MAG: variants seen among roughly 807,000 people sequenced by gnomAD.
MAG encodes the protein myelin associated glycoprotein, also known as myelin-associated glycoprotein.
Under a neutral mutation model 60.7 loss-of-function variants are expected in MAG, and 30 were observed. The ratio of observed to expected loss-of-function variants is 0.49; its 90% CI spans 0.37 to 0.67. The LOEUF (loss-of-function observed/expected upper bound fraction) is 0.67. MAG is among the 30% of genes least tolerant of loss of function. The probability of loss-of-function intolerance (pLI) is 0.00; values close to 1 mark genes in which losing one functional copy is unlikely to be tolerated. For synonymous variants in MAG, 384 were observed against 376.8 expected, an observed-to-expected ratio of 1.02 and a Z score of -0.22; for missense variants, 795 against 851.7, an observed-to-expected ratio of 0.93 and a Z score of 0.83.
intron 7 of MAG, among the ~76,000 whole-genome samples, chr19:35,306,734 G>A (rs755265261): frequency 1.1e-4 from 16 of 152,134 alleles, no homozygotes; most frequent in African/African-American, 2.7e-4. Context: ...CACTGCACCC[G>A]GCTGGGATGT....
In MAG at chr19:35,313,547, G is replaced by A. The variant is rs199743835; in HGVS notation, c.*93G>A. The stretch of plus-strand genomic sequence containing the variant: ...CTCCCTTCCTCCCAAAAGTATCGGG[G>A]GCTGGGGCAGGAGGGGAGTGAGGCA... On this transcript the variant is annotated 3_prime_UTR_variant, in exon 11 of 11. Coordinates refer to ENST00000392213, the MANE Select transcript of MAG (RefSeq NM_002361.4). 6 of 1,334,818 alleles carry A rather than the reference G, an allele frequency of 4.5e-6. No homozygotes were observed. In the Admixed American group the frequency reaches 1.0e-4, roughly 23 times the overall value. 82.7% of individuals were successfully genotyped at this position (1,334,818 alleles called of 1,614,324 possible).
intron 6 of MAG, among the ~76,000 whole-genome samples, chr19:35,301,149 C>T (rs1480371678): frequency 6.6e-6 from 1 of 152,078 alleles, no homozygotes; most frequent in African/African-American, 2.4e-5. Flanking sequence ...GGATTAGAGG[C>T]ATGAGCCACC....
Position 35,312,197 on chromosome 19 carries a change from T to TG in MAG, c.1716+181dup, listed in dbSNP as rs907734558. The TG allele has an allele frequency of 2.0e-5, 28 of 1,379,020 alleles. No homozygotes were observed. The African/African-American group carries it at 3.7e-4, about 18-fold the overall frequency. The allele number at this position is 1,379,020 out of a possible 1,614,324, so 85.4% of individuals were successfully genotyped here. On this transcript the variant is annotated intron_variant, in intron 10 of 10. Transcript: ENST00000392213. Reference sequence around the variant, plus strand: ...GGGGAGGAGGTGCCCAGGCCGAAGCTGTGTAGGGGGCGATGGGACGTGGGG... The same window carrying TG: ...GGGGAGGAGGTGCCCAGGCCGAAGCTGGTGTAGGGGGCGATGGGACGTGGGG...
intron 7 of MAG, among the ~76,000 whole-genome samples, chr19:35,303,287 G>A (rs985678424): frequency 2.0e-5 from 3 of 152,118 alleles, no homozygotes; most frequent in East Asian, 1.9e-4. Context: ...TGCACTAACC[G>A]AAACAATGAC....
At chr19:35,299,398 G>C (rs1369810680) in intron 4 of MAG, among the ~76,000 whole-genome samples, 156 bp from the exon 5 acceptor site, 1 of 149,106 alleles carries the variant, frequency 6.7e-6, no homozygotes, top group African/African-American at 2.4e-5. Flanking sequence ...GAAGGGTAAA[G>C]GGAATTCTGA....
At chr19:35,313,144 TG>T in intron 10 of MAG, 145 bp from the exon 11 acceptor site, 2 of 750,138 alleles carry the variant, frequency 2.7e-6, no homozygotes, top group Non-Finnish European at 4.0e-6. Context: ...CAGGGCTCGC[TG>T]GGCCTGCGGT....
rs750356821 is a variant in MAG, at chr19:35,302,506, C to A, written c.1029C>A (p.Val343=). The change falls in exon 7 of 11, where the codon GTC becomes GTA. Residue 343 remains valine (V), a synonymous_variant. Transcript: ENST00000392213. ...TGGTGGCCGTAGAGGGGGAGACGGTCTCTATCTTGTGCTCCACACAGAGCA... is the reference window on the plus strand; with the variant it reads ...TGGTGGCCGTAGAGGGGGAGACGGTATCTATCTTGTGCTCCACACAGAGCA... ...GTMVAVEGET[V]SILCSTQSNP... 42 of 1,614,080 alleles carry A rather than the reference C, an allele frequency of 2.6e-5. No individual in the cohort carries two copies. Among genetic ancestry groups the A allele is most frequent in the Non-Finnish European group, 3.4e-5 (40 of 1,180,056 alleles).
chr19:35,304,203 G>T (rs2066468233), intron 7 of MAG, among the ~76,000 whole-genome samples: 1 of 152,176 alleles, frequency 6.6e-6, no homozygotes, highest in Admixed American at 6.5e-5. Context: ...TCCTGGTTCT[G>T]TTCCCTAGCG....
At chr19:35,309,805 C>T in intron 7 of MAG, 69 bp from the exon 8 acceptor site, 2 of 1,544,926 alleles carry the variant, frequency 1.3e-6, no homozygotes, top group Non-Finnish European at 1.7e-6. Flanking sequence ...TGCCTTGAGC[C>T]AAGGAGTCTC....
intron 1 of MAG, among the ~76,000 whole-genome samples, 191 bp downstream of exon 1, chr19:35,292,395 G>T (rs1599644785): frequency 6.6e-6 from 1 of 152,002 alleles, no homozygotes; most frequent in East Asian, 1.9e-4. Flanking sequence ...GCAGCGATGG[G>T]GCTCTGGGAA....
At position 35,293,841 on chromosome 19, in the gene MAG, G is replaced by T. The variant is rs978736739; in HGVS notation, c.-79-394G>T. On this transcript the variant is annotated intron_variant, in intron 1 of 10. Transcript: ENST00000392213. This position sits in a 1 kb window ranked among gnomAD's most constrained non-coding sequence, Gnocchi z 4.0. ...GGACACCAGGGGCCGTCTGTGGGGTGGGAGAGGGCGGCAGGAATTCACGCG... is the reference window on the plus strand; with the variant it reads ...GGACACCAGGGGCCGTCTGTGGGGTTGGAGAGGGCGGCAGGAATTCACGCG... 3.3e-5 allele frequency among the ~76,000 whole-genome samples: 5 copies of T among 152,066 alleles called. No homozygotes were observed. The highest frequency in any genetic ancestry group is 1.2e-4 in the African/African-American group (5 of 41,380).
intron 1 of MAG, among the ~76,000 whole-genome samples, chr19:35,292,811 G>A (rs559388854): frequency 6.6e-6 from 1 of 151,720 alleles, no homozygotes; most frequent in Admixed American, 6.6e-5. Context: ...TATTGCCCAG[G>A]CTGGTCTCAA....
intron 8 of MAG, 65 bp downstream of exon 8, chr19:35,310,226 C>T: frequency 6.6e-7 from 1 of 1,522,530 alleles, no homozygotes; most frequent in Non-Finnish European, 8.9e-7. Flanking sequence ...ATCCAAGCTC[C>T]CAAGGCTGAC....
intron 7 of MAG, among the ~76,000 whole-genome samples, chr19:35,306,418 G>A (rs1489526503): frequency 6.6e-6 from 1 of 152,052 alleles, no homozygotes; most frequent in East Asian, 1.9e-4. Context: ...ACTTGGGTGG[G>A]ATGTTACGTA....
In MAG at chr19:35,300,333, A is replaced by G. The variant is rs1216189764; in HGVS notation, c.899A>G (p.Asp300Gly). 6 of 1,598,918 alleles carry G rather than the reference A, an allele frequency of 3.8e-6. No individual in the cohort carries two copies. The highest frequency in any genetic ancestry group is 5.1e-6 in the Non-Finnish European group (6 of 1,179,442). Residue 300 changes from aspartate to glycine, a missense_variant, in exon 6 of 11, where the codon GAC (aspartate) becomes GGC (glycine). Physicochemically the swap from Asp to Gly is moderately conservative, Grantham distance 94. Transcript: ENST00000392213. ...LELEEVTPAE[D>G]GVYACLAENA... ...CTGGAGGAGGTGACCCCCGCCGAAG[A>G]CGGCGTCTATGCCTGCCTGGCCGAG...
Position 35,292,445 on chromosome 19 carries a change from AC to A in MAG, c.-80+245del, listed in dbSNP as rs1027531839. On this transcript the variant is annotated intron_variant, in intron 1 of 10. Coordinates refer to ENST00000392213, the MANE Select transcript of MAG (RefSeq NM_002361.4). ...AAAAAACAAAGGGCCCCCCCTCAGC[AC>A]CCCTTGTGGGTGAAGATTTTGCAGG... Among the ~76,000 whole-genome samples, 10 of 151,934 alleles carry A rather than the reference AC, an allele frequency of 6.6e-5. 1 individual carries two copies.
chr19:35,297,877 CCAAA>C (rs1161371548), intron 4 of MAG, among the ~76,000 whole-genome samples: 2 of 150,118 alleles, frequency 1.3e-5, no homozygotes, highest in African/African-American at 2.5e-5. Flanking sequence ...ACACAACACA[CCAAA>C]CACACACCAC....
Position 35,309,924 on chromosome 19 carries a change from G to A in MAG, c.1282G>A (p.Val428Met), listed in dbSNP as rs370148023. ...CCACTGCGCGGCAGCCCGAGACACG[G>A]TGCAGTGCCTGTGCGTGGTGAAGTC... ...ESHCAAARDTVQCLCVVKSNP... is the reference protein window; with the variant it reads ...ESHCAAARDTMQCLCVVKSNP... The change falls in exon 8 of 11, where the codon GTG (valine) becomes ATG (methionine). Residue 428 changes from valine to methionine, a missense_variant. Val to Met is a conservative substitution (Grantham distance 21). Transcript: ENST00000392213. 1 of 1,613,746 alleles carries A rather than the reference G, an allele frequency of 6.2e-7. No homozygotes were observed. The highest frequency in any genetic ancestry group is 8.5e-7 in the Non-Finnish European group (1 of 1,179,962).
intron 7 of MAG, among the ~76,000 whole-genome samples, chr19:35,308,886 G>A (rs1397858270): frequency 4.6e-5 from 7 of 152,260 alleles, no homozygotes; most frequent in Non-Finnish European, 8.8e-5. Flanking sequence ...AGGCTGAGGC[G>A]GGAGGATCAC....
Sources: allele counts gnomAD v4.1 joint callset (sites outside exome capture counted in the v4.1 genomes callset), GRCh38; gene constraint gnomAD v4.1.1; non-coding constraint Gnocchi (gnomAD v3.1); transcripts MANE v1.5; gene names NCBI Gene and HGNC (gene_info 2026-07-23, HGNC 2026-07-21).